CADPS: variants seen among roughly 807,000 people sequenced by gnomAD.
CADPS encodes the protein calcium-dependent secretion activator 1.
CADPS carries 57 observed loss-of-function variants against 167.3 expected under a neutral mutation model. That is an observed-to-expected ratio of 0.34 (90% CI 0.28 to 0.42). CADPS has a LOEUF of 0.42. Among genes scored for constraint, CADPS ranks in the 20% least tolerant of loss-of-function variants. The probability of loss-of-function intolerance (pLI) is 1.00; values close to 1 mark genes in which losing one functional copy is unlikely to be tolerated. For synonymous variants in CADPS, 676 were observed against 635.3 expected, an observed-to-expected ratio of 1.06 and a Z score of -0.96; for missense variants, 1,414 against 1,738.1, an observed-to-expected ratio of 0.81 and a Z score of 3.32.
intron 23 of CADPS, among the ~76,000 whole-genome samples, chr3:62,477,750 A>G (rs1017235711): frequency 9.2e-5 from 14 of 152,204 alleles, no homozygotes; most frequent in African/African-American, 3.4e-4. Context: ...CAACAAGACA[A>G]CTACAAGTTG....
At chr3:62,555,141 G>A (rs2077919700) in intron 10 of CADPS, among the ~76,000 whole-genome samples, 2 of 152,244 alleles carry the variant, frequency 1.3e-5, no homozygotes, top group South Asian at 4.1e-4. Flanking sequence ...ACATTACTTG[G>A]GGAATAAATA....
chr3:62,862,610 A>G (rs1383728374), intron 1 of CADPS, among the ~76,000 whole-genome samples: 1 of 152,210 alleles, frequency 6.6e-6, no homozygotes, highest in Non-Finnish European at 1.5e-5. Flanking sequence ...AGATTGAAAA[A>G]CATACATTCC....
chr3:62,420,885 C>T lies in CADPS; in HGVS notation c.3777+17219G>A, dbSNP rs1003275191. Among the ~76,000 whole-genome samples the T allele has an allele frequency of 3.8e-5, 5 of 132,858 alleles. No homozygotes were observed. The highest frequency in any genetic ancestry group is 6.3e-5 in the Non-Finnish European group (4 of 63,214). The allele number at this position is 132,858 out of a possible 152,430, so 87.2% of individuals were successfully genotyped here. A position where few individuals can be genotyped will look rare whatever the true frequency, so the allele number is the denominator to read the frequency against. On this transcript the variant is annotated intron_variant, in intron 28 of 29. Coordinates refer to ENST00000383710, the MANE Select transcript of CADPS (RefSeq NM_003716.4). This position sits in a 1 kb window ranked among gnomAD's most constrained non-coding sequence, Gnocchi z 4.1. ...GAACACACACACACACACACACACA[C>T]ACACACACACACACACAGGCACACA...
At chr3:62,619,284 A>C (rs1384268403) in intron 6 of CADPS, among the ~76,000 whole-genome samples, 1 of 152,170 alleles carries the variant, frequency 6.6e-6, no homozygotes, top group Non-Finnish European at 1.5e-5. Context: ...AGTGCTTCTA[A>C]ATGGTGAGGG....
intron 11 of CADPS, among the ~76,000 whole-genome samples, chr3:62,547,452 G>C (rs2076631894): frequency 6.6e-6 from 1 of 152,076 alleles, no homozygotes; most frequent in African/African-American, 2.4e-5. Flanking sequence ...TTCCTCGGCA[G>C]TAATAAAGGA....
At chr3:62,608,441 C>T (rs1331475318) in intron 6 of CADPS, among the ~76,000 whole-genome samples, 1 of 151,858 alleles carries the variant, frequency 6.6e-6, no homozygotes, top group Admixed American at 6.6e-5. Flanking sequence ...TGCCACCATG[C>T]CAGGCGAATT....
chr3:62,785,422 T>C (rs1401937212), intron 1 of CADPS, among the ~76,000 whole-genome samples: 1 of 152,222 alleles, frequency 6.6e-6, no homozygotes, highest in Non-Finnish European at 1.5e-5. Context: ...TTGAATGTCA[T>C]ACACCTTGAG....
chr3:62,687,693 G>T (rs1249577358), intron 3 of CADPS, among the ~76,000 whole-genome samples: 4 of 143,436 alleles, frequency 2.8e-5, no homozygotes, highest in Admixed American at 2.1e-4. Context: ...TTTCAACATT[G>T]TGTATTGAGT....
intron 3 of CADPS, among the ~76,000 whole-genome samples, chr3:62,752,639 A>G (rs2082947181): frequency 6.6e-6 from 1 of 152,220 alleles, no homozygotes; most frequent in South Asian, 2.1e-4. Flanking sequence ...GAAGGGCAAC[A>G]TAATTACCAG....
At chr3:62,614,056 T>C (rs540200694) in intron 6 of CADPS, among the ~76,000 whole-genome samples, 208 of 152,274 alleles carry the variant, frequency 1.4e-3, no homozygotes, top group Middle Eastern at 3.4e-3. Context: ...ATTGTTAAAC[T>C]CAAGGCTGAG....
intron 20 of CADPS, 84 bp from the exon 21 acceptor site, chr3:62,491,564 C>CACAA: frequency 1.1e-6 from 1 of 905,604 alleles, no homozygotes; most frequent in East Asian, 2.6e-5. Flanking sequence ...CACAAACACA[C>CACAA]ACACACACAC....
intron 6 of CADPS, among the ~76,000 whole-genome samples, chr3:62,627,932 A>G (rs2064429609): frequency 1.3e-5 from 2 of 152,196 alleles, no homozygotes; most frequent in South Asian, 4.1e-4. Flanking sequence ...GAGGATCCTC[A>G]TGGTAAGCAA....
rs2068534318 is a variant in CADPS, at chr3:62,514,470, A to T, written c.2581+1589T>A. ...GTACTTCTCTGAAAAGAGAGTTGAA[A>T]AAAAAGAATTGGTTTCTTCAAAGAA... On this transcript the variant is annotated intron_variant, in intron 16 of 29. Coordinates refer to ENST00000383710, the MANE Select transcript of CADPS (RefSeq NM_003716.4). This position sits in a 1 kb window ranked among gnomAD's most constrained non-coding sequence, Gnocchi z 4.2. 6.6e-6 allele frequency among the ~76,000 whole-genome samples: 1 copy of T among 152,120 alleles called. No homozygotes were observed. Among genetic ancestry groups the T allele is most frequent in the African/African-American group, 2.4e-5 (1 of 41,440 alleles).
At chr3:62,674,179 G>T (rs1003187485) in intron 3 of CADPS, among the ~76,000 whole-genome samples, 3 of 152,110 alleles carry the variant, frequency 2.0e-5, no homozygotes, top group Non-Finnish European at 4.4e-5. Flanking sequence ...GAAAGCTCAA[G>T]TAGTAAAAAA....
intron 9 of CADPS, among the ~76,000 whole-genome samples, chr3:62,562,602 T>C (rs1233111561): frequency 6.6e-6 from 1 of 152,226 alleles, no homozygotes; most frequent in Admixed American, 6.5e-5. Flanking sequence ...CCCAAAGTGC[T>C]GGGATTATAG....
intron 7 of CADPS, among the ~76,000 whole-genome samples, chr3:62,586,819 A>G (rs1307873441): frequency 6.6e-6 from 1 of 152,232 alleles, no homozygotes; most frequent in Non-Finnish European, 1.5e-5. Context: ...GTATTAATAT[A>G]TTACCTTATC....
At chr3:62,619,222 C>T (rs1017883744) in intron 6 of CADPS, among the ~76,000 whole-genome samples, 2 of 152,192 alleles carry the variant, frequency 1.3e-5, no homozygotes, top group African/African-American at 2.4e-5. Flanking sequence ...TGTTTCCCTA[C>T]AGTGGTACCT....
chr3:62,499,401 A>G, intron 17 of CADPS, 133 bp from the exon 18 acceptor site: 1 of 632,318 alleles, frequency 1.6e-6, no homozygotes, highest in Non-Finnish European at 2.9e-6. Flanking sequence ...GTTAAGTGCC[A>G]TGTAATTAGT....
At chr3:62,548,934 A>G (rs747213502) in intron 11 of CADPS, among the ~76,000 whole-genome samples, 1 of 152,194 alleles carries the variant, frequency 6.6e-6, no homozygotes, top group Non-Finnish European at 1.5e-5. Context: ...CTTGTTTACT[A>G]TCTAGGCTTC....
Sources: gnomAD v4.1 joint callset for allele counts (sites outside exome capture counted in the v4.1 genomes callset) on GRCh38, gnomAD v4.1.1 for gene constraint, Gnocchi (gnomAD v3.1) non-coding constraint, MANE v1.5 for transcripts, NCBI Gene and HGNC (gene_info 2026-07-23, HGNC 2026-07-21) for gene names.